Variants in LRRC4C observed in about 807,000 individuals in gnomAD.
LRRC4C encodes the protein leucine-rich repeat-containing protein 4C.
LRRC4C carries 5 observed loss-of-function variants against 33.6 expected under a neutral mutation model. The ratio of observed to expected loss-of-function variants is 0.15; its 90% confidence interval spans 0.08 to 0.31. LRRC4C has a LOEUF of 0.31. Ranked by LOEUF, LRRC4C falls within the 10% of genes least tolerant of loss-of-function variation. The pLI is 1.00. For missense variants in LRRC4C, 560 were observed against 796.7 expected, an observed-to-expected ratio of 0.70 and a Z score of 3.58; for synonymous variants, 329 against 302.0, an observed-to-expected ratio of 1.09 and a Z score of -0.93.
intron 3 of LRRC4C, among the ~76,000 whole-genome samples, chr11:40,542,922 C>T (rs532670656): frequency 2.4e-4 from 37 of 152,212 alleles, no homozygotes; most frequent in African/African-American, 8.4e-4. Flanking sequence ...CTGACAGTTA[C>T]ATTTTACACA....
At chr11:40,321,933 C>CT (rs1269956649) in intron 3 of LRRC4C, among the ~76,000 whole-genome samples, 1 of 152,052 alleles carries the variant, frequency 6.6e-6, no homozygotes, top group Non-Finnish European at 1.5e-5. Flanking sequence ...GAGAACTGAG[C>CT]TTGGTGGGGC....
At chr11:40,126,691 T>G (rs1475791001) in intron 6 of LRRC4C, among the ~76,000 whole-genome samples, 2 of 151,648 alleles carry the variant, frequency 1.3e-5, no homozygotes, top group East Asian at 3.9e-4. Flanking sequence ...ACGGGCGTGG[T>G]GGCTCACATC....
At chr11:41,115,668 A>C (rs1262065653) in intron 1 of LRRC4C, among the ~76,000 whole-genome samples, 8 of 152,026 alleles carry the variant, frequency 5.3e-5, no homozygotes, top group Non-Finnish European at 1.2e-4. Context: ...TAATTCATGA[A>C]ATACCTCAAT....
intron 3 of LRRC4C, among the ~76,000 whole-genome samples, chr11:40,438,041 G>C (rs1455066099): frequency 2.6e-5 from 4 of 152,178 alleles, no homozygotes; most frequent in Non-Finnish European, 5.9e-5. Context: ...CAATGCCCTT[G>C]AAGTGACCTT....
rs150404367 is a variant in LRRC4C, at chr11:40,687,586, A to G, written c.-406-39308T>C. 7.0e-3 allele frequency among the ~76,000 whole-genome samples: 1,067 copies of G among 152,264 alleles called. 13 individuals are homozygous for G. Among genetic ancestry groups the G allele is most frequent in the African/African-American group, 0.025 (1,025 of 41,546 alleles). ...AATCAATGAGATACACACTAATTTTACTAAAGAAATATTTCTTTGCCCATT... is the reference window on the plus strand; with the variant it reads ...AATCAATGAGATACACACTAATTTTGCTAAAGAAATATTTCTTTGCCCATT... On this transcript the variant is annotated intron_variant, in intron 2 of 6. Transcript: ENST00000528697.
chr11:40,117,967 T>C (rs1054622112), intron 6 of LRRC4C, among the ~76,000 whole-genome samples: 10 of 150,738 alleles, frequency 6.6e-5, no homozygotes, highest in Admixed American at 1.3e-4. Flanking sequence ...GATATGATTA[T>C]ATGATAGATA....
At chr11:41,198,850 T>G (rs1374042866) in intron 1 of LRRC4C, among the ~76,000 whole-genome samples, 1 of 152,112 alleles carries the variant, frequency 6.6e-6, no homozygotes, top group Admixed American at 6.6e-5. Context: ...CTCCTGGGAA[T>G]GCTATATTTA....
intron 1 of LRRC4C, among the ~76,000 whole-genome samples, chr11:41,433,246 GA>G (rs1248447449): frequency 6.6e-6 from 1 of 151,914 alleles, no homozygotes; most frequent in African/African-American, 2.4e-5. Context: ...TTGTTTTTCA[GA>G]AAAAAATAAC....
At chr11:40,415,346 T>C (rs1950289019) in intron 3 of LRRC4C, among the ~76,000 whole-genome samples, 1 of 152,112 alleles carries the variant, frequency 6.6e-6, no homozygotes, top group East Asian at 1.9e-4. Flanking sequence ...AATTTTATCT[T>C]TGAAATTGTG....
At chr11:41,175,209 T>C (rs745657619) in intron 1 of LRRC4C, among the ~76,000 whole-genome samples, 2 of 152,114 alleles carry the variant, frequency 1.3e-5, no homozygotes, top group Non-Finnish European at 2.9e-5. Flanking sequence ...GCCTTGAAAC[T>C]GGCCTCAAGG....
At chr11:40,758,207 A>C (rs1263188002) in intron 2 of LRRC4C, among the ~76,000 whole-genome samples, 2 of 151,998 alleles carry the variant, frequency 1.3e-5, no homozygotes, top group Non-Finnish European at 2.9e-5. Flanking sequence ...ATTATATGGG[A>C]TGCTTGTCTC....
intron 1 of LRRC4C, among the ~76,000 whole-genome samples, chr11:41,211,899 C>T (rs997820563): frequency 6.6e-6 from 1 of 152,138 alleles, no homozygotes; most frequent in African/African-American, 2.4e-5. Flanking sequence ...CCCTGAGGAA[C>T]CGCCACACTA....
At position 41,228,123 on chromosome 11, in the gene LRRC4C, A is replaced by G. The variant is rs377576151; in HGVS notation, c.-496+231308T>C. The stretch of plus-strand genomic sequence containing the variant: ...ATTATATCAGTCTGTCTGTCTATCT[A>G]TCACCTATCTTTCTATCTATGTTAT... On this transcript the variant is annotated intron_variant, in intron 1 of 6. Coordinates refer to ENST00000528697, the MANE Select transcript of LRRC4C (RefSeq NM_001258419.2). 6.4e-3 allele frequency among the ~76,000 whole-genome samples: 945 copies of G among 148,548 alleles called. 12 individuals carry two copies. Among genetic ancestry groups the G allele is most frequent in the African/African-American group, 0.022 (877 of 40,702 alleles).
chr11:40,990,069 AG>A (rs1306663594), intron 1 of LRRC4C, among the ~76,000 whole-genome samples: 1 of 150,990 alleles, frequency 6.6e-6, no homozygotes, highest in Non-Finnish European at 1.5e-5. Flanking sequence ...TAGTATCTGC[AG>A]GGTAAGAGGG....
At chr11:40,654,785 C>T (rs1303849995) in intron 2 of LRRC4C, among the ~76,000 whole-genome samples, 6 of 152,116 alleles carry the variant, frequency 3.9e-5, no homozygotes, top group East Asian at 3.9e-4. Context: ...TCTGTGTTCC[C>T]ACCCAAATCT....
intron 3 of LRRC4C, among the ~76,000 whole-genome samples, chr11:40,431,394 C>CAAAAAAA (rs572317927): frequency 3.2e-5 from 4 of 125,350 alleles, no homozygotes; most frequent in South Asian, 2.7e-4. Flanking sequence ...GACTCTGTCT[C>CAAAAAAA]AAAAAAAAAA....
At chr11:40,571,312 G>A (rs1160549299) in intron 3 of LRRC4C, among the ~76,000 whole-genome samples, 2 of 151,916 alleles carry the variant, frequency 1.3e-5, no homozygotes, top group Non-Finnish European at 1.5e-5. Flanking sequence ...ATTGCCCACC[G>A]ATGTTAATTT....
intron 1 of LRRC4C, among the ~76,000 whole-genome samples, chr11:41,317,289 G>T (rs2922025): frequency 0.75 from 113,790 of 151,680 alleles, 43,061 homozygotes; most frequent in Admixed American, 0.83. Context: ...GAATAATATC[G>T]ATTTCAAATG....
At chr11:40,785,137 G>A (rs1442111690) in intron 2 of LRRC4C, among the ~76,000 whole-genome samples, 1 of 152,084 alleles carries the variant, frequency 6.6e-6, no homozygotes, top group Non-Finnish European at 1.5e-5. Flanking sequence ...ATGTTGTTAT[G>A]CTAATTAACA....
Sources: gnomAD v4.1 joint callset for allele counts (sites outside exome capture counted in the v4.1 genomes callset) on GRCh38, gnomAD v4.1.1 for gene constraint, MANE v1.5 for transcripts, NCBI Gene and HGNC (gene_info 2026-07-23, HGNC 2026-07-21) for gene names.